Variants in SURF6 observed in about 807,000 individuals in gnomAD.
SURF6 encodes the protein surfeit locus protein 6.
In SURF6, 28 loss-of-function variants were observed where a neutral mutation model predicts 37.5. That is an observed-to-expected ratio of 0.75 (90% CI 0.55 to 1.02). The LOEUF (loss-of-function observed/expected upper bound fraction) is 1.02. Ranked by LOEUF, SURF6 falls within the 50% of genes least tolerant of loss-of-function variation. SURF6 has a pLI of 0.00. For synonymous variants in SURF6, 248 were observed against 210.9 expected (o/e 1.18, Z -1.52); for missense variants, 560 against 490.5 (o/e 1.14, Z -1.34).
In SURF6 at chr9:133,334,411, G is replaced by C. The variant is rs2129927107; in HGVS notation, c.285C>G (p.Ser95Arg). 3.1e-6 allele frequency: 5 copies of C among 1,613,414 alleles called. No homozygotes were observed. Among genetic ancestry groups the C allele is most frequent in the Non-Finnish European group, 4.2e-6 (5 of 1,179,956 alleles). Residue 95 changes from serine (S) to arginine (R), a missense_variant, in exon 2 of 5, where the codon AGC (serine) becomes AGG (arginine). Transcript: ENST00000372022. ...AAKEEAAWAS[S>R]SAGNPADGLA... Reference sequence around the variant, plus strand: ...TCTCACCTGCAGGGTTCCCTGCTGAGCTGGAAGCCCAAGCTGCTTCCTCTT... The same window carrying C: ...TCTCACCTGCAGGGTTCCCTGCTGACCTGGAAGCCCAAGCTGCTTCCTCTT...
Position 133,333,750 on chromosome 9 carries a change from G to A in SURF6, c.361C>T (p.Leu121=). The A allele has an allele frequency of 6.2e-7, 1 of 1,613,956 alleles. No homozygotes were observed. The change falls in exon 3 of 5, where the codon CTG becomes TTG. Residue 121 remains leucine, a synonymous_variant. Transcript: ENST00000372022. ...VFALDVLRQR[L]HEKIQEARGQ... is the part of the protein sequence containing the mutation. ...CGGGCCTCCTGGATCTTCTCATGCA[G>A]TCGCTGTCGCAGAACATCCAGAGCA...
At position 133,333,790 on chromosome 9, in the gene SURF6, C is replaced by A; in HGVS notation, c.321G>T (p.Glu107Asp). Residue 107 changes from glutamate (E) to aspartate (D), a missense_variant, in exon 3 of 5, where the codon GAG becomes GAT. Transcript: ENST00000372022. ...AGNPADGLAT[E>D]PESVFALDVL... ...CATCCAGAGCAAAGACAGACTCAGG[C>A]TCAGTGGCCAGGCCATCTGCAGGGA... 1 of 1,613,812 alleles carries A rather than the reference C, an allele frequency of 6.2e-7. No individual in the cohort carries two copies. The highest frequency in any genetic ancestry group is 1.1e-5 in the South Asian group (1 of 91,036).
chr9:133,329,385 A>G lies in SURF6; in HGVS notation c.*2484T>C. 4.3e-6 allele frequency: 1 copy of G among 232,988 alleles called. No individual in the cohort carries two copies. Among genetic ancestry groups the G allele is most frequent in the Non-Finnish European group, 8.6e-6 (1 of 115,936 alleles). The allele number at this position is 232,988 out of a possible 1,614,324, so 14.4% of individuals were successfully genotyped here. A position where few individuals can be genotyped will look rare whatever the true frequency, so the allele number is the denominator to read the frequency against. Reference sequence around the variant, plus strand: ...GGTGGAAGAGCAGAGTCTTCTCTAAACTCCTCCAGGGAAAGGGACACTCCC... The same window carrying G: ...GGTGGAAGAGCAGAGTCTTCTCTAAGCTCCTCCAGGGAAAGGGACACTCCC... On this transcript the variant is annotated 3_prime_UTR_variant, in exon 5 of 5. Transcript: ENST00000372022.
chr9:133,332,999 C>A (rs1835786883), intron 3 of SURF6: 2 of 583,328 alleles, frequency 3.4e-6, no homozygotes, highest in African/African-American at 1.9e-5. Context: ...TACCCCGTGC[C>A]AGGATACATT....
rs2129900452 is a variant in SURF6 at position 133,328,900 on chromosome 9, C to G, written c.*2969G>C. The G allele has an allele frequency of 0.53, 80,311 of 152,166 alleles. 21,462 individuals are homozygous for G. The highest frequency in any genetic ancestry group is 0.58 in the African/African-American group (24,060 of 41,334). The allele number at this position is 152,166 out of a possible 1,614,324, so 9.4% of individuals were successfully genotyped here. A position where few individuals can be genotyped will look rare whatever the true frequency, so the allele number is the denominator to read the frequency against. On this transcript the variant is annotated 3_prime_UTR_variant, in exon 5 of 5. Transcript: ENST00000372022. ...AGCAATGAGAGAGTGTAGAAATACA[C>G]ACACAAGACAAAGAGATAAAAGAAA...
In SURF6 at chr9:133,332,722, T is replaced by C. The variant is rs2129920981; in HGVS notation, c.432A>G (p.Lys144=). The change falls in exon 4 of 5, where the codon AAA becomes AAG. Residue 144 remains lysine (K), a synonymous_variant. Coordinates refer to ENST00000372022, the MANE Select transcript of SURF6 (RefSeq NM_006753.6). ...CCCGTTCCTGCTTTCTCCGCCGCCT[T>C]TTCTCCAAGGCGGCAGGGGACAGCT... ...AKELSPAALE[K]RRRRKQERDR... is the part of the protein sequence containing the mutation. The C allele has an allele frequency of 1.9e-6, 3 of 1,611,856 alleles. No homozygotes were observed. Among genetic ancestry groups the C allele is most frequent in the Non-Finnish European group, 2.5e-6 (3 of 1,180,004 alleles).
At position 133,336,176 on chromosome 9, in the gene SURF6, G is replaced by A. The variant is rs2129935010; in HGVS notation, c.-44C>T. The stretch of plus-strand genomic sequence containing the variant: ...TCACGACTCACACCTTCCCCGCTGC[G>A]CGTGCGACTCTCACCACCTCCGCCG... On this transcript the variant is annotated 5_prime_UTR_variant, in exon 1 of 5. Transcript: ENST00000372022. The A allele has an allele frequency of 7.8e-6, 12 of 1,542,130 alleles. No homozygotes were observed. The highest frequency in any genetic ancestry group is 1.1e-5 in the South Asian group (1 of 88,546).
intron 1 of SURF6, 55 bp from the exon 2 acceptor site, chr9:133,334,656 G>A: frequency 2.5e-6 from 4 of 1,579,936 alleles, no homozygotes; most frequent in Admixed American, 1.7e-5. Flanking sequence ...CATTCAATAG[G>A]CAGGAAAGGC....
At chr9:133,333,264 A>C (rs909629779) in intron 3 of SURF6, among the ~76,000 whole-genome samples, 2 of 152,126 alleles carry the variant, frequency 1.3e-5, no homozygotes, top group Non-Finnish European at 2.9e-5. Flanking sequence ...CACACACTGT[A>C]CCTCGGGATG....
intron 2 of SURF6, among the ~76,000 whole-genome samples, chr9:133,334,159 G>A (rs1420877030): frequency 6.6e-6 from 1 of 152,190 alleles, no homozygotes; most frequent in Non-Finnish European, 1.5e-5. Flanking sequence ...CAGGTCCTCA[G>A]AGAGACACAG....
Position 133,336,088 on chromosome 9 carries a change from G to A in SURF6, c.45C>T (p.Ala15=). ...LAKDAYLQSL[A]KKICSHSAPE... ...GGGCCGAATGGGAGCAGATCTTCTT[G>A]GCCAGGCTCTGCAGGTAGGCGTCCT... Residue 15 remains alanine (A), a synonymous_variant, in exon 1 of 5, where the codon GCC becomes GCT. Transcript: ENST00000372022. 2 of 1,612,910 alleles carry A rather than the reference G, an allele frequency of 1.2e-6. No homozygotes were observed. Among genetic ancestry groups the A allele is most frequent in the Non-Finnish European group, 1.7e-6 (2 of 1,179,862 alleles).
rs140866414 is a variant in SURF6, at chr9:133,332,096, G to C, written c.859C>G (p.Arg287Gly). The C allele has an allele frequency of 5.2e-3, 8,398 of 1,609,114 alleles. 27 individuals carry two copies. Among genetic ancestry groups the C allele is most frequent in the Non-Finnish European group, 6.2e-3 (7,370 of 1,179,912 alleles). ...CGCTTCAGGGCCTCCTGCAGCAGGC[G>C]TTCGTCGTCACGGATCTTCACGCCC... ...AEGVKIRDDE[R>G]LLQEALKRKE... is the part of the protein sequence containing the mutation. The change falls in exon 5 of 5, where the codon CGC (arginine) becomes GGC (glycine). Residue 287 changes from arginine (R) to glycine (G), a missense_variant. Coordinates refer to ENST00000372022, the MANE Select transcript of SURF6 (RefSeq NM_006753.6).
At chr9:133,335,653 G>A (rs939154310) in intron 1 of SURF6, among the ~76,000 whole-genome samples, 1 of 151,212 alleles carries the variant, frequency 6.6e-6, no homozygotes, top group Admixed American at 6.6e-5. Context: ...GTAGTGAAGG[G>A]ACTGAAAGGG....
rs2129909391 is a variant in SURF6, at chr9:133,331,285, G to A, written c.*584C>T. On this transcript the variant is annotated 3_prime_UTR_variant, in exon 5 of 5. Coordinates refer to ENST00000372022, the MANE Select transcript of SURF6 (RefSeq NM_006753.6). ...TCTGAGCAGTAAAATGCCGCCCCGG[G>A]GCACTGGGGAACAGAAAGGAATGAG... 2 of 151,968 alleles carry A rather than the reference G, an allele frequency of 1.3e-5. No individual in the cohort carries two copies. The highest frequency in any genetic ancestry group is 4.1e-4 in the South Asian group (2 of 4,828). 9.4% of individuals were successfully genotyped at this position (151,968 alleles called of 1,614,324 possible).
Position 133,332,212 on chromosome 9 carries a change from C to T in SURF6, c.743G>A (p.Ser248Asn), listed in dbSNP as rs1027593777. 5 of 1,607,824 alleles carry T rather than the reference C, an allele frequency of 3.1e-6. No individual in the cohort carries two copies. Among genetic ancestry groups the T allele is most frequent in the Non-Finnish European group, 4.2e-6 (5 of 1,179,932 alleles). The part of the protein sequence containing the change: ...QLLERLQARQ[S>N]RLDELRGQDE... ...CTGGCCGCGCAGCTCGTCCAGCCGGCTCTGCCGTGCCTGCAGGCGCTCCAG... is the reference window on the plus strand; with the variant it reads ...CTGGCCGCGCAGCTCGTCCAGCCGGTTCTGCCGTGCCTGCAGGCGCTCCAG... Residue 248 changes from serine (S) to asparagine (N), a missense_variant, in exon 5 of 5, where the codon AGC (serine) becomes AAC (asparagine). Physicochemically the swap from Ser to Asn is conservative, Grantham distance 46 (BLOSUM62 1). Coordinates refer to ENST00000372022, the MANE Select transcript of SURF6 (RefSeq NM_006753.6).
At chr9:133,332,911 G>A in intron 3 of SURF6, 151 bp from the exon 4 acceptor site, 1 of 707,638 alleles carries the variant, frequency 1.4e-6, no homozygotes, top group Non-Finnish European at 2.3e-6. Context: ...CCACCATGAT[G>A]TTCCCCAAAA....
Position 133,332,691 on chromosome 9 carries a change from T to C in SURF6, c.463A>G (p.Lys155Glu). 6.2e-7 allele frequency: 1 copy of C among 1,612,306 alleles called. No homozygotes were observed. The highest frequency in any genetic ancestry group is 8.5e-7 in the Non-Finnish European group (1 of 1,180,024). Residue 155 changes from lysine (K) to glutamate (E), a missense_variant, in exon 4 of 5, where the codon AAG becomes GAG. By Grantham distance (56) the Lys-to-Glu change is moderately conservative. Coordinates refer to ENST00000372022, the MANE Select transcript of SURF6 (RefSeq NM_006753.6). ...RRRRKQERDR[K>E]KRKRKELRAK... ...CGCAGCTCCTTTCGCTTCCTCTTCT[T>C]CCGGTCCCGTTCCTGCTTTCTCCGC... is the stretch of plus-strand genomic sequence containing the variant.
upstream of SURF6, chr9:133,336,188 C>CCAGGAATCTACATTTTTA: frequency 1.3e-6 from 2 of 1,491,740 alleles, no homozygotes; most frequent in Non-Finnish European, 1.8e-6. Flanking sequence ...GTGCGACTCT[C>CCAGGAATCTACATTTTTA]ACCACCTCCG....
Position 133,332,724 on chromosome 9 carries a change from T to C in SURF6, c.430A>G (p.Lys144Glu). 1.9e-6 allele frequency: 3 copies of C among 1,611,664 alleles called. No individual in the cohort carries two copies. The highest frequency in any genetic ancestry group is 2.5e-6 in the Non-Finnish European group (3 of 1,179,994). Reference sequence around the variant, plus strand: ...CGTTCCTGCTTTCTCCGCCGCCTTTTCTCCAAGGCGGCAGGGGACAGCTCC... The same window carrying C: ...CGTTCCTGCTTTCTCCGCCGCCTTTCCTCCAAGGCGGCAGGGGACAGCTCC... ...AKELSPAALE[K>E]RRRRKQERDR... The change falls in exon 4 of 5, where the codon AAA becomes GAA. Residue 144 changes from lysine to glutamate, a missense_variant. Lys to Glu is a moderately conservative substitution (Grantham distance 56). Transcript: ENST00000372022.
Sources: gnomAD v4.1 joint callset for allele counts (sites outside exome capture counted in the v4.1 genomes callset) on GRCh38, gnomAD v4.1.1 for gene constraint, MANE v1.5 for transcripts, NCBI Gene and HGNC (gene_info 2026-07-23, HGNC 2026-07-21) for gene names.